RICTOR: variants seen among roughly 807,000 people sequenced by gnomAD.
The protein encoded by RICTOR is rapamycin-insensitive companion of mTOR.
In RICTOR, 49 loss-of-function variants were observed where a neutral mutation model predicts 214.9. The observed-to-expected ratio is 0.23, with a 90% confidence interval of 0.18 to 0.29. The LOEUF (loss-of-function observed/expected upper bound fraction) is 0.29, where lower values mean the gene tolerates loss of function less well. RICTOR is among the 10% of genes least tolerant of loss of function. The pLI is 1.00. For synonymous variants in RICTOR, 717 were observed against 711.3 expected, an observed-to-expected ratio of 1.01 and a Z score of -0.13; for missense variants, 1,625 against 2,047.0, an observed-to-expected ratio of 0.79 and a Z score of 3.98.
At position 38,940,511 on chromosome 5, in the gene RICTOR, G is replaced by C. The variant is rs1423421895; in HGVS notation, c.*1793C>G. Reference sequence around the variant, plus strand: ...GACAGGCAACGTTCTTAGAAGTACTGTTGACATTTAAATAAACACTTGGGT... The same window carrying C: ...GACAGGCAACGTTCTTAGAAGTACTCTTGACATTTAAATAAACACTTGGGT... On this transcript the variant is annotated 3_prime_UTR_variant, in exon 38 of 38. Transcript: ENST00000357387. 1.3e-5 allele frequency: 3 copies of C among 232,590 alleles called. No individual in the cohort carries two copies. Among genetic ancestry groups the C allele is most frequent in the African/African-American group, 6.6e-5 (3 of 45,296 alleles). 14.4% of individuals were successfully genotyped at this position (232,590 alleles called of 1,614,324 possible). A position where few individuals can be genotyped will look rare whatever the true frequency, so the allele number is the denominator to read the frequency against.
At chr5:38,982,579 TTTG>T (rs1436985557) in intron 7 of RICTOR, among the ~76,000 whole-genome samples, 3 of 152,114 alleles carry the variant, frequency 2.0e-5, no homozygotes, top group Non-Finnish European at 4.4e-5. Context: ...GAAGCTGAGT[TTTG>T]TTAAGATGAT....
chr5:39,032,476 C>T (rs185560378), intron 2 of RICTOR, among the ~76,000 whole-genome samples: 1 of 152,282 alleles, frequency 6.6e-6, no homozygotes, highest in Non-Finnish European at 1.5e-5. Flanking sequence ...TGAACATGGA[C>T]TTCATTTCTG....
chr5:39,060,477 A>G (rs1431990080), intron 2 of RICTOR, among the ~76,000 whole-genome samples: 14 of 152,070 alleles, frequency 9.2e-5, no homozygotes, highest in Non-Finnish European at 5.9e-5. Flanking sequence ...AAAGAAACGT[A>G]GAAGCATACA....
At chr5:39,007,281 T>C (rs1754158334) in intron 3 of RICTOR, among the ~76,000 whole-genome samples, 1 of 152,184 alleles carries the variant, frequency 6.6e-6, no homozygotes, top group Non-Finnish European at 1.5e-5. Context: ...GTTGTTGTTT[T>C]TTTAAAGTCT....
At chr5:39,029,458 T>C (rs1317098815) in intron 2 of RICTOR, among the ~76,000 whole-genome samples, 1 of 152,180 alleles carries the variant, frequency 6.6e-6, no homozygotes, top group Non-Finnish European at 1.5e-5. Flanking sequence ...TTGGCTTCAA[T>C]ATATGCTGCT....
chr5:39,002,169 C>CAAAAAA (rs70982532), intron 5 of RICTOR, among the ~76,000 whole-genome samples: 4 of 122,552 alleles, frequency 3.3e-5, no homozygotes, highest in East Asian at 2.4e-4. Flanking sequence ...TGTTACACAG[C>CAAAAAA]AAAAAAAAAA....
At chr5:39,019,147 G>A (rs1044852428) in intron 3 of RICTOR, among the ~76,000 whole-genome samples, 9 of 152,098 alleles carry the variant, frequency 5.9e-5, no homozygotes, top group East Asian at 1.9e-4. Context: ...AATGGTTCAC[G>A]AGGTTAAAGG....
At chr5:39,073,948 GGCCCCGGGCTCGGTT>G (rs1759520604) in intron 2 of RICTOR, among the ~76,000 whole-genome samples, 148 bp downstream of exon 2, 1 of 151,674 alleles carries the variant, frequency 6.6e-6, no homozygotes, top group Non-Finnish European at 1.5e-5. Context: ...CCGGCGAGGC[GGCCCCGGGCTCGGTT>G]CCCGCGGGCC....
intron 6 of RICTOR, among the ~76,000 whole-genome samples, chr5:38,994,414 T>G: frequency 2.1e-5 from 1 of 47,070 alleles, no homozygotes; most frequent in Non-Finnish European, 4.1e-5. Context: ...CTGCCAAGGT[T>G]TTACTAAAAA....
At position 38,990,617 on chromosome 5, in the gene RICTOR, G is replaced by GATACACGAT. The variant is rs1225880684; in HGVS notation, c.583+331_583+332insATCGTGTAT. 6.6e-3 allele frequency among the ~76,000 whole-genome samples: 606 copies of GATACACGAT among 92,078 alleles called. 41 individuals are homozygous for GATACACGAT. The highest frequency in any genetic ancestry group is 0.028 in the Middle Eastern group (3 of 108). The allele number at this position is 92,078 out of a possible 152,430, so 60.4% of individuals were successfully genotyped here. On this transcript the variant is annotated intron_variant, in intron 7 of 37. Coordinates refer to ENST00000357387, the MANE Select transcript of RICTOR (RefSeq NM_152756.5). ...TATACGATATATATGATATATATAC[G>GATACACGAT]ATATATGATATATATATCTGACATA...
At chr5:39,056,555 T>G (rs761072034) in intron 2 of RICTOR, among the ~76,000 whole-genome samples, 1 of 151,910 alleles carries the variant, frequency 6.6e-6, no homozygotes, top group Non-Finnish European at 1.5e-5. Context: ...CAGGATCACT[T>G]GAGTCCAGGA....
At chr5:39,073,612 G>C (rs967297145) in intron 2 of RICTOR, among the ~76,000 whole-genome samples, 6 of 152,204 alleles carry the variant, frequency 3.9e-5, no homozygotes, top group Admixed American at 2.6e-4. Flanking sequence ...GTCCCCACAG[G>C]ACGGTGGGCA....
chr5:39,040,109 C>A (rs1347575356), intron 2 of RICTOR, among the ~76,000 whole-genome samples: 1 of 151,924 alleles, frequency 6.6e-6, no homozygotes, highest in Non-Finnish European at 1.5e-5. Context: ...AAATGTGGCA[C>A]ATATATACCA....
At chr5:39,024,821 T>G (rs1755687712) in intron 2 of RICTOR, among the ~76,000 whole-genome samples, 1 of 152,218 alleles carries the variant, frequency 6.6e-6, no homozygotes, top group East Asian at 1.9e-4. Flanking sequence ...ACAAACTGAT[T>G]GCAGACATTT....
intron 2 of RICTOR, among the ~76,000 whole-genome samples, chr5:39,051,085 G>A (rs558277410): frequency 3.1e-4 from 46 of 150,120 alleles, no homozygotes; most frequent in South Asian, 2.3e-3. Flanking sequence ...ACACACACAC[G>A]CGGCATATAA....
At chr5:39,027,055 CATTA>C (rs1438688142) in intron 2 of RICTOR, among the ~76,000 whole-genome samples, 97 of 152,042 alleles carry the variant, frequency 6.4e-4, no homozygotes, top group African/African-American at 2.3e-3. Context: ...AATTACTGAG[CATTA>C]TTAAGAAAAA....
At chr5:39,013,163 A>G (rs760145711) in intron 3 of RICTOR, among the ~76,000 whole-genome samples, 49 of 152,206 alleles carry the variant, frequency 3.2e-4, no homozygotes, top group Non-Finnish European at 1.6e-4. Context: ...AGATGAATTA[A>G]GTTTGTTGAA....
intron 2 of RICTOR, among the ~76,000 whole-genome samples, chr5:39,022,986 A>T (rs1409075375): frequency 6.6e-6 from 1 of 152,228 alleles, no homozygotes; most frequent in Non-Finnish European, 1.5e-5. Flanking sequence ...ATGCTCAACA[A>T]GCGCCAATCA....
chr5:38,976,078 A>G (rs1043471163), intron 9 of RICTOR, among the ~76,000 whole-genome samples: 2 of 152,224 alleles, frequency 1.3e-5, no homozygotes, highest in Non-Finnish European at 2.9e-5. Context: ...ATAACTACAT[A>G]TTAACATCAC....
Sources: gnomAD v4.1 joint callset for allele counts (sites outside exome capture counted in the v4.1 genomes callset) on GRCh38, gnomAD v4.1.1 for gene constraint, MANE v1.5 for transcripts, NCBI Gene and HGNC (gene_info 2026-07-23, HGNC 2026-07-21) for gene names.